MOB3A: variants seen among roughly 807,000 people sequenced by gnomAD.
The protein encoded by MOB3A is MOB kinase activator 3A, also known as MOB LAK.
MOB3A carries 17 observed loss-of-function variants against 17.8 expected under a neutral mutation model. That is an observed-to-expected ratio of 0.95 (90% CI 0.65 to 1.43). MOB3A has a LOEUF of 1.43. MOB3A is among the 40% of genes most tolerant of loss of function. The pLI, the probability that MOB3A is intolerant of heterozygous loss-of-function variation, is 0.00. For synonymous variants in MOB3A, 124 were observed against 133.2 expected (o/e 0.93, Z 0.48); for missense variants, 333 against 310.8 (o/e 1.07, Z -0.54).
chr19:2,092,416 T>C (rs547867431), intron 1 of MOB3A, among the ~76,000 whole-genome samples: 112 of 152,154 alleles, frequency 7.4e-4, no homozygotes, highest in African/African-American at 2.6e-3. Context: ...TGAATCTTTG[T>C]GGTAAACTGA....
chr19:2,080,622 C>G (rs970791350), intron 2 of MOB3A, among the ~76,000 whole-genome samples: 2 of 152,122 alleles, frequency 1.3e-5, no homozygotes, highest in Non-Finnish European at 2.9e-5. Flanking sequence ...TCTGATCCGC[C>G]CACCTTGGCC....
At chr19:2,094,317 G>C (rs1045423478) in intron 1 of MOB3A, among the ~76,000 whole-genome samples, 1 of 152,090 alleles carries the variant, frequency 6.6e-6, no homozygotes, top group African/African-American at 2.4e-5. Context: ...AAAGTGTTGG[G>C]ATCACAGGCA....
intron 4 of MOB3A, among the ~76,000 whole-genome samples, chr19:2,073,833 CCAGCCTGGATAA>C (rs2017370490): frequency 6.6e-6 from 1 of 152,112 alleles, no homozygotes; most frequent in African/African-American, 2.4e-5. Context: ...GAGTTCAAGA[CCAGCCTGGATAA>C]CACGGTGAAA....
chr19:2,079,420 C>T (rs979802609), intron 2 of MOB3A, among the ~76,000 whole-genome samples: 1 of 152,246 alleles, frequency 6.6e-6, no homozygotes, highest in South Asian at 2.1e-4. Context: ...ATCTTGGATT[C>T]CTTGGGTGGC....
intron 2 of MOB3A, among the ~76,000 whole-genome samples, chr19:2,080,256 C>A (rs2017469895): frequency 6.6e-6 from 1 of 152,106 alleles, no homozygotes; most frequent in Non-Finnish European, 1.5e-5. Flanking sequence ...GAGGACCCAG[C>A]AGAAGGGGGA....
intron 2 of MOB3A, among the ~76,000 whole-genome samples, chr19:2,084,486 C>T (rs1484789337): frequency 6.6e-6 from 1 of 151,946 alleles, no homozygotes. Flanking sequence ...CAGAGTGAGA[C>T]TCCGTCACAA....
rs1378304342 is a variant in MOB3A, at chr19:2,073,394, C to G, written c.*1G>C. 2 of 1,613,618 alleles carry G rather than the reference C, an allele frequency of 1.2e-6. No individual in the cohort carries two copies. The highest frequency in any genetic ancestry group is 1.1e-5 in the South Asian group (1 of 91,086). On this transcript the variant is annotated 3_prime_UTR_variant, in exon 5 of 5. Coordinates refer to ENST00000357066, the MANE Select transcript of MOB3A (RefSeq NM_130807.3). ...CGGGCACCGGGAGACCCGCGGGGCTCTCAGTGGCACATCCGGGCGGTCATT... is the reference window on the plus strand; with the variant it reads ...CGGGCACCGGGAGACCCGCGGGGCTGTCAGTGGCACATCCGGGCGGTCATT...
At chr19:2,088,620 C>T (rs372969191) in intron 1 of MOB3A, among the ~76,000 whole-genome samples, 1 of 152,114 alleles carries the variant, frequency 6.6e-6, no homozygotes, top group Non-Finnish European at 1.5e-5. Flanking sequence ...GTGCGCACCA[C>T]CACACCCAGC....
chr19:2,090,081 C>T (rs1374102119), intron 1 of MOB3A: 1 of 152,244 alleles, frequency 6.6e-6, no homozygotes, highest in Non-Finnish European at 1.5e-5. Flanking sequence ...ATACCCGATC[C>T]ATCTTAGCCC....
In MOB3A at chr19:2,076,834, C is replaced by A. The variant is rs751349284; in HGVS notation, c.601G>T (p.Asp201Tyr). Reference protein sequence around the residue: ...YYFVKEFGLIDTKELEPLKEM... With the variant: ...YYFVKEFGLIYTKELEPLKEM... ...ACCAGTGGCTCCAGCTCCTTGGTGTCGATGAGGCCGAACTCCTTGACGAAA... is the reference window on the plus strand; with the variant it reads ...ACCAGTGGCTCCAGCTCCTTGGTGTAGATGAGGCCGAACTCCTTGACGAAA... Residue 201 changes from aspartate (D) to tyrosine (Y), a missense_variant, in exon 4 of 5, where the codon GAC becomes TAC. Coordinates refer to ENST00000357066, the MANE Select transcript of MOB3A (RefSeq NM_130807.3). 23 of 1,613,728 alleles carry A rather than the reference C, an allele frequency of 1.4e-5. No individual in the cohort carries two copies. In the African/African-American group the frequency reaches 1.5e-4, roughly 10 times the overall value.
At chr19:2,095,486 C>A (rs1251768398) in intron 1 of MOB3A, among the ~76,000 whole-genome samples, 1 of 152,236 alleles carries the variant, frequency 6.6e-6, no homozygotes, top group Non-Finnish European at 1.5e-5. Flanking sequence ...CCGACCGCCG[C>A]GTTGGCTTGG....
In MOB3A at chr19:2,085,221, A is replaced by C. The variant is rs2017538404; in HGVS notation, c.-166T>G. 1 of 152,126 alleles carries C rather than the reference A, an allele frequency of 6.6e-6. No homozygotes were observed. Among genetic ancestry groups the C allele is most frequent in the Non-Finnish European group, 1.5e-5 (1 of 68,024 alleles). The allele number at this position is 152,126 out of a possible 1,614,324, so 9.4% of individuals were successfully genotyped here. A position where few individuals can be genotyped will look rare whatever the true frequency, so the allele number is the denominator to read the frequency against. ...TCTGCTCTTCTCGGATTCCTCCAGG[A>C]ACAGTGGAGAAGACAAGGCAGGAAT... is the stretch of plus-strand genomic sequence containing the variant. On this transcript the variant is annotated 5_prime_UTR_variant, in exon 2 of 5. Coordinates refer to ENST00000357066, the MANE Select transcript of MOB3A (RefSeq NM_130807.3).
intron 1 of MOB3A, among the ~76,000 whole-genome samples, chr19:2,091,448 A>G (rs1038738301): frequency 2.0e-5 from 3 of 151,918 alleles, no homozygotes; most frequent in African/African-American, 4.8e-5. Context: ...CAGTGGCGCA[A>G]TCTCGGCTCA....
rs553978828 is a variant in MOB3A at position 2,082,560 on chromosome 19, T to G, written c.-120+2615A>C. Among the ~76,000 whole-genome samples, 3 of 152,294 alleles carry G rather than the reference T, an allele frequency of 2.0e-5. No homozygotes were observed. Among genetic ancestry groups the G allele is most frequent in the African/African-American group, 7.2e-5 (3 of 41,556 alleles). ...GGTGGATCGGCCGGGTCTCGAACCCTGGACTCTGTGGGTGAAGCCACCGCT... is the reference window on the plus strand; with the variant it reads ...GGTGGATCGGCCGGGTCTCGAACCCGGGACTCTGTGGGTGAAGCCACCGCT... On this transcript the variant is annotated intron_variant, in intron 2 of 4. Coordinates refer to ENST00000357066, the MANE Select transcript of MOB3A (RefSeq NM_130807.3). The surrounding 1 kb of genome is among the most constrained non-coding windows in gnomAD (Gnocchi z 4.1).
intron 2 of MOB3A, among the ~76,000 whole-genome samples, chr19:2,081,460 C>CAT (rs1568253827): frequency 6.6e-6 from 1 of 151,912 alleles, no homozygotes; most frequent in Non-Finnish European, 1.5e-5. Flanking sequence ...TGGTGGCGGG[C>CAT]GCCTGTAATC....
At chr19:2,077,937 C>T (rs984789072) in intron 3 of MOB3A, among the ~76,000 whole-genome samples, 4 of 152,058 alleles carry the variant, frequency 2.6e-5, no homozygotes, top group Non-Finnish European at 4.4e-5. Flanking sequence ...GCGTGTGCCA[C>T]CATGCCTGGC....
At chr19:2,090,224 C>G (rs111736180) in intron 1 of MOB3A, 1 of 152,312 alleles carries the variant, frequency 6.6e-6, no homozygotes, top group Non-Finnish European at 1.5e-5. Flanking sequence ...ACTCCCCACC[C>G]AGGTGTCCCA....
intron 4 of MOB3A, among the ~76,000 whole-genome samples, chr19:2,074,301 G>A (rs558108423): frequency 6.6e-5 from 10 of 151,974 alleles, no homozygotes; most frequent in South Asian, 2.1e-4. Context: ...AAAACAGGAA[G>A]CCAGGCCAGA....
chr19:2,075,412 A>G lies in MOB3A; in HGVS notation c.624+1399T>C, dbSNP rs538668694. Reference sequence around the variant, plus strand: ...TACTTTGGGAGGCCAAGGTGGGAGGATTGCTTGCATCCATGAGTTCAGACC... The same window carrying G: ...TACTTTGGGAGGCCAAGGTGGGAGGGTTGCTTGCATCCATGAGTTCAGACC... On this transcript the variant is annotated intron_variant, in intron 4 of 4. Transcript: ENST00000357066. Among the ~76,000 whole-genome samples, 3 of 152,100 alleles carry G rather than the reference A, an allele frequency of 2.0e-5. No homozygotes were observed. The South Asian group carries it at 6.2e-4, about 32-fold the overall frequency.
Sources: gnomAD v4.1 joint callset for allele counts (sites outside exome capture counted in the v4.1 genomes callset) on GRCh38, gnomAD v4.1.1 for gene constraint, Gnocchi (gnomAD v3.1) non-coding constraint, MANE v1.5 for transcripts, NCBI Gene and HGNC (gene_info 2026-07-23, HGNC 2026-07-21) for gene names.